The following SAMD12 variants were observed in gnomAD, a reference collection of about 807,000 sequenced individuals.
SAMD12 encodes the protein sterile alpha motif domain containing 12, also known as sterile alpha motif domain-containing protein 12.
A neutral mutation model predicts 15.0 loss-of-function variants in SAMD12; 9 were observed. The observed-to-expected ratio is 0.60, with a 90% CI of 0.36 to 1.05. The LOEUF (loss-of-function observed/expected upper bound fraction) is 1.05. SAMD12 is among the 50% of genes least tolerant of loss of function. The pLI, the probability that SAMD12 is intolerant of heterozygous loss-of-function variation, is 0.01. For missense variants in SAMD12, 230 were observed against 234.2 expected (o/e 0.98, Z 0.12); for synonymous variants, 86 against 90.1 (o/e 0.96, Z 0.25).
chr8:118,484,722 T>A (rs1490180625), intron 2 of SAMD12, among the ~76,000 whole-genome samples: 1 of 152,154 alleles, frequency 6.6e-6, no homozygotes. Context: ...CCTCTCTCTC[T>A]GTTGCCAGCA....
intron 2 of SAMD12, 95 bp from the exon 3 acceptor site, chr8:118,440,056 G>A: frequency 8.2e-7 from 1 of 1,223,608 alleles, no homozygotes; most frequent in Non-Finnish European, 1.2e-6. Flanking sequence ...GCTACAGACT[G>A]GATTCCCTGA....
chr8:118,268,937 CT>C (rs1813270935), intron 4 of SAMD12, among the ~76,000 whole-genome samples: 1 of 152,126 alleles, frequency 6.6e-6, no homozygotes, highest in Non-Finnish European at 1.5e-5. Flanking sequence ...TCTATTCTAC[CT>C]TCTTTAGGAT....
the SAMD12 span, among the ~76,000 whole-genome samples, chr8:118,154,379 T>C: frequency 6.6e-6 from 1 of 152,226 alleles, no homozygotes; most frequent in Admixed American, 6.5e-5. Flanking sequence ...AGACAGCCTC[T>C]GTCAGACCAA....
At chr8:118,163,184 A>T in the SAMD12 span, among the ~76,000 whole-genome samples, 1 of 152,108 alleles carries the variant, frequency 6.6e-6, no homozygotes, top group African/African-American at 2.4e-5. Flanking sequence ...ACGTCATCAC[A>T]GCTCACTGTA....
intron 2 of SAMD12, among the ~76,000 whole-genome samples, chr8:118,494,224 A>AT (rs1273904959): frequency 6.6e-6 from 1 of 152,078 alleles, no homozygotes; most frequent in African/African-American, 2.4e-5. Context: ...AAAGCAGTCA[A>AT]TTTTTTCTCC....
chr8:118,421,691 G>A (rs760309384), intron 3 of SAMD12, among the ~76,000 whole-genome samples: 2 of 152,176 alleles, frequency 1.3e-5, no homozygotes, highest in Non-Finnish European at 2.9e-5. Context: ...AAGCTTTTTA[G>A]ATAAAGGATA....
chr8:118,338,663 G>T (rs960208273), intron 4 of SAMD12, among the ~76,000 whole-genome samples: 7 of 152,172 alleles, frequency 4.6e-5, no homozygotes, highest in African/African-American at 1.7e-4. Flanking sequence ...AGCAAAGGCA[G>T]CAAATTAACT....
the SAMD12 span, among the ~76,000 whole-genome samples, chr8:118,163,439 G>T: frequency 6.6e-6 from 1 of 152,188 alleles, no homozygotes; most frequent in Non-Finnish European, 1.5e-5. Context: ...GAAGAGAAAA[G>T]TAGCAGGAGG....
At chr8:118,405,105 T>C (rs527839045) in intron 3 of SAMD12, among the ~76,000 whole-genome samples, 1 of 152,220 alleles carries the variant, frequency 6.6e-6, no homozygotes, top group Non-Finnish European at 1.5e-5. Context: ...TCCCAAGTGT[T>C]GACAAGGATG....
intron 2 of SAMD12, among the ~76,000 whole-genome samples, chr8:118,447,695 T>TAA (rs1451667310): frequency 2.2e-5 from 3 of 136,676 alleles, no homozygotes; most frequent in African/African-American, 3.1e-5. Flanking sequence ...TTTTTATTTT[T>TAA]TATTTTTAAT....
intron 4 of SAMD12, among the ~76,000 whole-genome samples, chr8:118,298,268 C>T (rs1022144960): frequency 1.3e-5 from 2 of 152,120 alleles, no homozygotes; most frequent in Admixed American, 1.3e-4. Flanking sequence ...CAACTTTATG[C>T]ATTGTGTTTA....
At chr8:118,531,285 T>C (rs1344075482) in intron 2 of SAMD12, among the ~76,000 whole-genome samples, 1 of 152,266 alleles carries the variant, frequency 6.6e-6, no homozygotes, top group Non-Finnish European at 1.5e-5. Flanking sequence ...TCCATTGGTC[T>C]ATATCTCTGT....
intron 4 of SAMD12, among the ~76,000 whole-genome samples, chr8:118,354,699 C>T (rs1818140975): frequency 6.6e-6 from 1 of 152,180 alleles, no homozygotes; most frequent in Non-Finnish European, 1.5e-5. Flanking sequence ...AGAACTAGAA[C>T]CTTTCCATCA....
chr8:118,415,177 T>C (rs1169868946), intron 3 of SAMD12, among the ~76,000 whole-genome samples: 2 of 152,102 alleles, frequency 1.3e-5, no homozygotes, highest in East Asian at 3.9e-4. Context: ...ACAACACAAC[T>C]GAAAGGTTCC....
chr8:118,144,125 G>A, the SAMD12 span, among the ~76,000 whole-genome samples: 3 of 152,074 alleles, frequency 2.0e-5, no homozygotes, highest in East Asian at 1.9e-4. Flanking sequence ...CTCCCCTTCC[G>A]TGTGTTTTCT....
intron 3 of SAMD12, among the ~76,000 whole-genome samples, chr8:118,433,305 T>G (rs1336004502): frequency 6.6e-6 from 1 of 152,214 alleles, no homozygotes; most frequent in Non-Finnish European, 1.5e-5. Flanking sequence ...GTAAATAAAT[T>G]TGTCTACAGA....
intron 4 of SAMD12, among the ~76,000 whole-genome samples, chr8:118,212,707 A>C (rs899190100): frequency 6.6e-6 from 1 of 152,230 alleles, no homozygotes; most frequent in Admixed American, 6.5e-5. Flanking sequence ...GCCAAATTAT[A>C]GTATAATATT....
chr8:118,485,426 GA>G (rs1385825170), intron 2 of SAMD12, among the ~76,000 whole-genome samples: 2 of 152,142 alleles, frequency 1.3e-5, no homozygotes, highest in African/African-American at 4.8e-5. Flanking sequence ...AGATGATAAA[GA>G]AACAAGAACA....
the SAMD12 span, among the ~76,000 whole-genome samples, chr8:118,156,130 G>A: frequency 0.26 from 40,155 of 152,108 alleles, 5,390 homozygotes; most frequent in Admixed American, 0.32. Flanking sequence ...GGAATTAGCT[G>A]GGGAATCTGC....
Sources: allele counts gnomAD v4.1 joint callset (sites outside exome capture counted in the v4.1 genomes callset), GRCh38; gene constraint gnomAD v4.1.1; transcripts MANE v1.5; gene names NCBI Gene and HGNC (gene_info 2026-07-23, HGNC 2026-07-21).